Variants in ATP9B observed in about 807,000 individuals in gnomAD.
ATP9B encodes ATPase phospholipid transporting 9B.
ATP9B carries 110 observed loss-of-function variants against 146.1 expected under a neutral mutation model. The ratio of observed to expected loss-of-function variants is 0.75; its 90% CI spans 0.65 to 0.88. The LOEUF is 0.88. ATP9B is among the 40% of genes least tolerant of loss of function. ATP9B has a pLI of 0.00. For missense variants in ATP9B, 1,499 were observed against 1,496.4 expected, an observed-to-expected ratio of 1.00 and a Z score of -0.03; for synonymous variants, 604 against 569.7, an observed-to-expected ratio of 1.06 and a Z score of -0.86.
intron 12 of ATP9B, among the ~76,000 whole-genome samples, chr18:79,260,313 A>G (rs996169677): frequency 6.6e-6 from 1 of 152,186 alleles, no homozygotes; most frequent in African/African-American, 2.4e-5. Context: ...TCATCAAACC[A>G]TCAGAACGCA....
intron 11 of ATP9B, among the ~76,000 whole-genome samples, chr18:79,245,914 ACTG>A (rs2095951525): frequency 6.7e-5 from 1 of 14,828 alleles, no homozygotes; most frequent in Non-Finnish European, 1.5e-4. Context: ...GCACCGCCCT[ACTG>A]ACTGTGCGGA....
chr18:79,206,865 CTGAGGTTATATAAGGTG>C, intron 9 of ATP9B, 55 bp from the exon 10 acceptor site: 1 of 1,410,990 alleles, frequency 7.1e-7, no homozygotes, highest in Non-Finnish European at 9.9e-7. Flanking sequence ...GTTTCTAATA[CTGAGGTTATATAAGGTG>C]TGAATAATGA....
At position 79,102,959 on chromosome 18, in the gene ATP9B, G is replaced by A. The variant is rs534400796; in HGVS notation, c.293+6310G>A. Among the ~76,000 whole-genome samples, 18 of 152,294 alleles carry A rather than the reference G, an allele frequency of 1.2e-4. No homozygotes were observed. The South Asian group carries it at 3.7e-3, about 32-fold the overall frequency. On this transcript the variant is annotated intron_variant, in intron 2 of 29. Transcript: ENST00000426216. Reference sequence around the variant, plus strand: ...AGTGTGTAGAAATACAGTTGATTTTGTATGTTAGATCCTTTATCCTATAAC... The same window carrying A: ...AGTGTGTAGAAATACAGTTGATTTTATATGTTAGATCCTTTATCCTATAAC...
intron 15 of ATP9B, among the ~76,000 whole-genome samples, chr18:79,322,020 C>G (rs2096718900): frequency 6.6e-6 from 1 of 152,236 alleles, no homozygotes; most frequent in African/African-American, 2.4e-5. Context: ...TAGAGCTACA[C>G]CCTCACTTCC....
intron 12 of ATP9B, among the ~76,000 whole-genome samples, chr18:79,257,930 T>A (rs2096099547): frequency 6.6e-6 from 1 of 152,226 alleles, no homozygotes. Flanking sequence ...CACCTCTGTC[T>A]TTAACTGACA....
chr18:79,131,922 T>G (rs1216090865), intron 5 of ATP9B, among the ~76,000 whole-genome samples: 3 of 152,196 alleles, frequency 2.0e-5, no homozygotes, highest in Admixed American at 6.5e-5. Context: ...TTAGTAGAGA[T>G]AAACTGCAGA....
intron 12 of ATP9B, among the ~76,000 whole-genome samples, chr18:79,273,341 T>C (rs1175268988): frequency 2.6e-5 from 4 of 152,170 alleles, no homozygotes; most frequent in Non-Finnish European, 5.9e-5. Context: ...GGAGAGTGTT[T>C]GGGCGCCGGC....
intron 4 of ATP9B, among the ~76,000 whole-genome samples, chr18:79,122,427 C>CTATT (rs1161524898): frequency 6.6e-6 from 1 of 152,142 alleles, no homozygotes; most frequent in Admixed American, 6.5e-5. Flanking sequence ...ATTTACAATG[C>CTATT]TATTGTCTTC....
chr18:79,217,345 T>C (rs1049215330), intron 11 of ATP9B, among the ~76,000 whole-genome samples: 2 of 152,206 alleles, frequency 1.3e-5, no homozygotes, highest in East Asian at 3.9e-4. Context: ...CCGCCACGCC[T>C]GGCTAATTTT....
intron 2 of ATP9B, among the ~76,000 whole-genome samples, chr18:79,100,589 A>G (rs1468010518): frequency 6.6e-6 from 1 of 152,138 alleles, no homozygotes. Flanking sequence ...TTTACTTTTT[A>G]AAAAAATTTT....
chr18:79,082,608 T>A (rs2073383486), intron 1 of ATP9B, among the ~76,000 whole-genome samples: 1 of 152,238 alleles, frequency 6.6e-6, no homozygotes, highest in African/African-American at 2.4e-5. Flanking sequence ...GTCCTTTTTG[T>A]TGATGTTGAT....
At chr18:79,247,672 A>G (rs929500817) in intron 11 of ATP9B, among the ~76,000 whole-genome samples, 1 of 152,108 alleles carries the variant, frequency 6.6e-6, no homozygotes, top group African/African-American at 2.4e-5. Flanking sequence ...CTTGTCTCTT[A>G]ATTACGTGTC....
chr18:79,250,166 C>T (rs1209715231), intron 11 of ATP9B, among the ~76,000 whole-genome samples: 4 of 152,304 alleles, frequency 2.6e-5, no homozygotes, highest in African/African-American at 9.6e-5. Flanking sequence ...TGAATGTTTC[C>T]ATCCAATACG....
intron 2 of ATP9B, 74 bp downstream of exon 2, chr18:79,096,723 T>A: frequency 3.4e-6 from 4 of 1,178,048 alleles, no homozygotes; most frequent in Non-Finnish European, 4.7e-6. Context: ...ATATACTTAT[T>A]AGCTATATTA....
intron 12 of ATP9B, among the ~76,000 whole-genome samples, chr18:79,269,340 C>T (rs956822852): frequency 1.6e-4 from 24 of 152,174 alleles, no homozygotes; most frequent in Non-Finnish European, 2.8e-4. Context: ...ACCTGTCCAA[C>T]AAGTACTCAT....
intron 13 of ATP9B, among the ~76,000 whole-genome samples, chr18:79,278,190 A>G (rs2096334740): frequency 6.6e-6 from 1 of 152,214 alleles, no homozygotes; most frequent in Non-Finnish European, 1.5e-5. Context: ...AGCTGCGTCC[A>G]TAGAAGACAC....
chr18:79,294,788 T>C (rs931211902), intron 13 of ATP9B, among the ~76,000 whole-genome samples: 1 of 152,186 alleles, frequency 6.6e-6, no homozygotes, highest in African/African-American at 2.4e-5. Context: ...TGAAATGATA[T>C]GGCTCAGATT....
Position 79,337,458 on chromosome 18 carries a change from G to C in ATP9B, c.2283+9G>C, listed in dbSNP as rs1218099698. 4 of 1,605,940 alleles carry C rather than the reference G, an allele frequency of 2.5e-6. No homozygotes were observed. The highest frequency in any genetic ancestry group is 3.4e-6 in the Non-Finnish European group (4 of 1,178,544). On this transcript the variant is annotated intron_variant, in intron 19 of 29. Transcript: ENST00000426216. Reference sequence around the variant, plus strand: ...GCAACGCCGGGATCAAGGTACTGCAGGCTCACCTCTGCTGGCGCGCGCTGC... The same window carrying C: ...GCAACGCCGGGATCAAGGTACTGCACGCTCACCTCTGCTGGCGCGCGCTGC...
At chr18:79,124,941 G>A (rs548390260) in intron 4 of ATP9B, among the ~76,000 whole-genome samples, 1 of 152,242 alleles carries the variant, frequency 6.6e-6, no homozygotes, top group South Asian at 2.1e-4. Context: ...GGATAAAGAG[G>A]GGTGCATGGC....
Sources: allele counts gnomAD v4.1 joint callset (sites outside exome capture counted in the v4.1 genomes callset), GRCh38; gene constraint gnomAD v4.1.1; transcripts MANE v1.5; gene names NCBI Gene and HGNC (gene_info 2026-07-23, HGNC 2026-07-21).